PSME3IP1: variants seen among roughly 807,000 people sequenced by gnomAD.
The protein encoded by PSME3IP1 is PSME3-interacting protein.
Under a neutral mutation model 34.1 loss-of-function variants are expected in PSME3IP1, and 13 were observed. The observed-to-expected ratio is 0.38, with a 90% CI of 0.25 to 0.61. PSME3IP1 has a LOEUF of 0.61. Among genes scored for constraint, PSME3IP1 ranks in the 20% least tolerant of loss-of-function variants. PSME3IP1 has a pLI of 0.60. For missense variants in PSME3IP1, 237 were observed against 301.4 expected (o/e 0.79, Z 1.58); for synonymous variants, 93 against 114.3 (o/e 0.81, Z 1.19).
intron 6 of PSME3IP1, among the ~76,000 whole-genome samples, chr16:57,163,038 G>A (rs1020647889): frequency 1.2e-4 from 18 of 152,086 alleles, no homozygotes; most frequent in Admixed American, 2.6e-4. Flanking sequence ...GGTGGCGCAC[G>A]CCTGTAATCC....
In PSME3IP1 at chr16:57,157,293, A is replaced by G. The variant is rs143239738; in HGVS notation, c.548-2786T>C. ...GCACCACAGAACTCCAAACTGGGTG[A>G]CAGAGCGAGAACCTATCTCCAAAAA... On this transcript the variant is annotated intron_variant, in intron 6 of 6. Transcript: ENST00000309137. Among the ~76,000 whole-genome samples, 6 of 150,054 alleles carry G rather than the reference A, an allele frequency of 4.0e-5. No homozygotes were observed. The East Asian group carries it at 1.2e-3, about 30-fold the overall frequency.
chr16:57,185,927 A>G lies in PSME3IP1; in HGVS notation c.-122T>C. On this transcript the variant is annotated 5_prime_UTR_variant, in exon 1 of 7. Transcript: ENST00000309137. ...AAAAGAAAAAAAAATGAAAGGAAGA[A>G]AGAAAGAAACAGAGGAAGGAATGAA... 1 of 985,412 alleles carries G rather than the reference A, an allele frequency of 1.0e-6. No homozygotes were observed. Among genetic ancestry groups the G allele is most frequent in the Admixed American group, 6.1e-5 (1 of 16,292 alleles). 61.0% of individuals were successfully genotyped at this position (985,412 alleles called of 1,614,324 possible). A position where few individuals can be genotyped will look rare whatever the true frequency, so the allele number is the denominator to read the frequency against.
At chr16:57,157,693 G>T (rs1322733712) in intron 6 of PSME3IP1, among the ~76,000 whole-genome samples, 1 of 150,928 alleles carries the variant, frequency 6.6e-6, no homozygotes, top group Non-Finnish European at 1.5e-5. Context: ...TGATGTTCCC[G>T]CCTCAGCCTC....
intron 6 of PSME3IP1, among the ~76,000 whole-genome samples, chr16:57,155,821 A>C (rs1284191212): frequency 1.3e-5 from 2 of 151,960 alleles, no homozygotes; most frequent in Non-Finnish European, 2.9e-5. Flanking sequence ...AAAACAAAAA[A>C]ACTAGTCGGG....
intron 1 of PSME3IP1, among the ~76,000 whole-genome samples, chr16:57,179,653 T>G (rs2073514834): frequency 6.6e-6 from 1 of 152,252 alleles, no homozygotes; most frequent in African/African-American, 2.4e-5. Context: ...CTTGAGTGTT[T>G]ACATCACTGG....
At chr16:57,157,987 C>A (rs1567357318) in intron 6 of PSME3IP1, among the ~76,000 whole-genome samples, 1 of 152,092 alleles carries the variant, frequency 6.6e-6, no homozygotes, top group Admixed American at 6.5e-5. Flanking sequence ...AACGGTAAGC[C>A]CCTTGAAGGC....
rs142997975 is a variant in PSME3IP1, at chr16:57,174,509, C to T, written c.-15-640G>A. The T allele has an allele frequency of 1.3e-3, 1,256 of 985,396 alleles. 13 individuals are homozygous for T. The African/African-American group carries it at 0.021, about 16-fold the overall frequency. 61.0% of individuals were successfully genotyped at this position (985,396 alleles called of 1,614,324 possible). On this transcript the variant is annotated intron_variant, in intron 1 of 6. Transcript: ENST00000309137. ...CCCTCTAATCTAGAAAAATTGGCCT[C>T]CTGAGCATCCCATCCTTTTCCCAGC... is the stretch of plus-strand genomic sequence containing the variant.
chr16:57,155,603 A>G (rs952222456), intron 6 of PSME3IP1, among the ~76,000 whole-genome samples: 8 of 152,174 alleles, frequency 5.3e-5, no homozygotes, highest in African/African-American at 1.9e-4. Flanking sequence ...TGAGGTCAGG[A>G]GTTCACTGGC....
intron 6 of PSME3IP1, among the ~76,000 whole-genome samples, chr16:57,160,062 G>A (rs545469045): frequency 6.2e-4 from 94 of 152,134 alleles, no homozygotes; most frequent in African/African-American, 2.1e-3. Flanking sequence ...AGGCCGAGGC[G>A]GGTGGATCAT....
chr16:57,182,566 A>AAAC (rs1392642082), intron 1 of PSME3IP1, among the ~76,000 whole-genome samples: 4 of 149,112 alleles, frequency 2.7e-5, no homozygotes, highest in African/African-American at 1.0e-4. Context: ...AAAAAAAAAA[A>AAAC]AAAAAAAAAA....
chr16:57,156,499 A>G (rs1297600073), intron 6 of PSME3IP1, among the ~76,000 whole-genome samples: 1 of 152,242 alleles, frequency 6.6e-6, no homozygotes, highest in Non-Finnish European at 1.5e-5. Flanking sequence ...AGATCAATGT[A>G]TTTGCTTGTT....
At chr16:57,156,904 A>G (rs1332105857) in intron 6 of PSME3IP1, among the ~76,000 whole-genome samples, 1 of 152,272 alleles carries the variant, frequency 6.6e-6, no homozygotes, top group Non-Finnish European at 1.5e-5. Flanking sequence ...AATGATGTTC[A>G]TAAGAGAACA....
chr16:57,160,579 T>C (rs549390045), intron 6 of PSME3IP1, among the ~76,000 whole-genome samples: 2 of 152,358 alleles, frequency 1.3e-5, no homozygotes, highest in Non-Finnish European at 2.9e-5. Context: ...ATTATGCATG[T>C]GCAGGATTAT....
chr16:57,186,041 G>C (rs1213280369), upstream of PSME3IP1: 1 of 985,046 alleles, frequency 1.0e-6, no homozygotes, highest in African/African-American at 1.8e-5. Context: ...CGCCACAATA[G>C]AGTCCCGCCC....
Position 57,152,790 on chromosome 16 carries a change from C to G in PSME3IP1, c.*1500G>C, listed in dbSNP as rs1405274709. 6.6e-6 allele frequency: 1 copy of G among 152,648 alleles called. No homozygotes were observed. Among genetic ancestry groups the G allele is most frequent in the African/African-American group, 2.4e-5 (1 of 41,446 alleles). The allele number at this position is 152,648 out of a possible 1,614,324, so 9.5% of individuals were successfully genotyped here. Reference sequence around the variant, plus strand: ...GCCCATACTGGCAGAACAATTAGCACAGAGTAGTTCTGAAAAGGAGGAAGA... The same window carrying G: ...GCCCATACTGGCAGAACAATTAGCAGAGAGTAGTTCTGAAAAGGAGGAAGA... On this transcript the variant is annotated 3_prime_UTR_variant, in exon 7 of 7. Transcript: ENST00000309137.
chr16:57,170,490 G>A lies in PSME3IP1; in HGVS notation c.348+1761C>T, dbSNP rs144601259. On this transcript the variant is annotated intron_variant, in intron 4 of 6. Coordinates refer to ENST00000309137, the MANE Select transcript of PSME3IP1 (RefSeq NM_024946.4). ...TCCATCTTAGACGTGAAGCCTGTTG[G>A]ATTACACCAGTGATGTTACTCAACA... Among the ~76,000 whole-genome samples, 870 of 152,300 alleles carry A rather than the reference G, an allele frequency of 5.7e-3. 10 individuals are homozygous for A. The highest frequency in any genetic ancestry group is 0.02 in the African/African-American group (843 of 41,546).
chr16:57,165,200 C>A (rs777070723), intron 5 of PSME3IP1, among the ~76,000 whole-genome samples: 1 of 151,256 alleles, frequency 6.6e-6, no homozygotes, highest in Non-Finnish European at 1.5e-5. Context: ...ACGTGTGTGG[C>A]GAGGGGGAAG....
In PSME3IP1 at chr16:57,153,090, G is replaced by A. The variant is rs983066188; in HGVS notation, c.*1200C>T. 2 of 152,672 alleles carry A rather than the reference G, an allele frequency of 1.3e-5. No homozygotes were observed. Among genetic ancestry groups the A allele is most frequent in the African/African-American group, 2.4e-5 (1 of 41,444 alleles). 9.5% of individuals were successfully genotyped at this position (152,672 alleles called of 1,614,324 possible). On this transcript the variant is annotated 3_prime_UTR_variant, in exon 7 of 7. Transcript: ENST00000309137. ...ATGGTACATGCTTATTCTAAAGCAG[G>A]AGAGCCTACAGATTGTTGTCAAAGC...
intron 6 of PSME3IP1, among the ~76,000 whole-genome samples, chr16:57,155,302 C>T (rs2070386953): frequency 6.6e-6 from 1 of 152,296 alleles, no homozygotes. Flanking sequence ...ACTCTGCCAC[C>T]TCAATGACAA....
Sources: gnomAD v4.1 joint callset for allele counts (sites outside exome capture counted in the v4.1 genomes callset) on GRCh38, gnomAD v4.1.1 for gene constraint, MANE v1.5 for transcripts, NCBI Gene and HGNC (gene_info 2026-07-23, HGNC 2026-07-21) for gene names.